SMAP1: variants seen among roughly 807,000 people sequenced by gnomAD.
SMAP1 encodes the protein stromal membrane-associated protein 1.
SMAP1 carries 24 observed loss-of-function variants against 58.5 expected under a neutral mutation model. The observed-to-expected ratio is 0.41, with a 90% CI of 0.30 to 0.58. The LOEUF (loss-of-function observed/expected upper bound fraction) is 0.58, where lower values mean the gene tolerates loss of function less well. SMAP1 is among the 20% of genes least tolerant of loss of function. The probability of loss-of-function intolerance (pLI) is 0.29; values close to 1 mark genes in which losing one functional copy is unlikely to be tolerated. For synonymous variants in SMAP1, 216 were observed against 196.6 expected (o/e 1.10, Z -0.82); for missense variants, 563 against 566.3 (o/e 0.99, Z 0.06).
chr6:70,820,567 G>A (rs1191847524), intron 6 of SMAP1, among the ~76,000 whole-genome samples: 1 of 152,146 alleles, frequency 6.6e-6, no homozygotes, highest in Non-Finnish European at 1.5e-5. Flanking sequence ...TTAGCTGGGT[G>A]TGGTAGCAGG....
intron 6 of SMAP1, among the ~76,000 whole-genome samples, chr6:70,831,927 T>C (rs761771688): frequency 9.9e-5 from 15 of 152,182 alleles, no homozygotes; most frequent in Non-Finnish European, 2.2e-4. Flanking sequence ...TGCCAGCATC[T>C]GTTATTTTTT....
At chr6:70,753,712 C>T (rs527906163) in intron 2 of SMAP1, among the ~76,000 whole-genome samples, 2 of 152,128 alleles carry the variant, frequency 1.3e-5, no homozygotes, top group Non-Finnish European at 2.9e-5. Context: ...TTATTTTACA[C>T]AATTTTGAAG....
At chr6:70,846,346 A>G (rs534715959) in intron 7 of SMAP1, among the ~76,000 whole-genome samples, 37 of 152,238 alleles carry the variant, frequency 2.4e-4, no homozygotes, top group African/African-American at 8.7e-4. Context: ...CACGCATTGA[A>G]TTAAGGAGGC....
intron 1 of SMAP1, among the ~76,000 whole-genome samples, chr6:70,729,820 TGAATGCTTGAG>T (rs1765354899): frequency 6.6e-6 from 1 of 152,188 alleles, no homozygotes; most frequent in Non-Finnish European, 1.5e-5. Context: ...GGAAGTGTGT[TGAATGCTTGAG>T]TTAAAGATTG....
intron 4 of SMAP1, among the ~76,000 whole-genome samples, chr6:70,786,363 A>T (rs1329559028): frequency 1.4e-5 from 2 of 143,910 alleles, no homozygotes; most frequent in African/African-American, 2.6e-5. Flanking sequence ...ATGGGCAAAA[A>T]CTGGAAGCAT....
At chr6:70,751,521 TTTAAC>T (rs1379945956) in intron 2 of SMAP1, among the ~76,000 whole-genome samples, 5 of 152,046 alleles carry the variant, frequency 3.3e-5, no homozygotes, top group Non-Finnish European at 5.9e-5. Context: ...TAATAGAAAC[TTTAAC>T]TTAAGTAGTT....
intron 2 of SMAP1, among the ~76,000 whole-genome samples, chr6:70,737,642 T>G (rs1244942546): frequency 1.3e-5 from 2 of 152,208 alleles, no homozygotes; most frequent in Non-Finnish European, 2.9e-5. Context: ...ACATTTATCA[T>G]ATGTGTCTTT....
At chr6:70,832,045 T>C (rs1342137800) in intron 6 of SMAP1, among the ~76,000 whole-genome samples, 1 of 152,214 alleles carries the variant, frequency 6.6e-6, no homozygotes, top group African/African-American at 2.4e-5. Flanking sequence ...TTTTATACAC[T>C]TGTTGGCTAC....
At chr6:70,680,584 G>A (rs951883345) in intron 1 of SMAP1, among the ~76,000 whole-genome samples, 6 of 152,016 alleles carry the variant, frequency 3.9e-5, no homozygotes, top group Admixed American at 6.5e-5. Flanking sequence ...TAGTGCGTCC[G>A]TACAGTGGAA....
intron 4 of SMAP1, among the ~76,000 whole-genome samples, chr6:70,787,826 A>G (rs1479978470): frequency 6.6e-6 from 1 of 151,478 alleles, no homozygotes; most frequent in Non-Finnish European, 1.5e-5. Flanking sequence ...ATGTGGAGAA[A>G]TAGGAACACT....
At chr6:70,740,528 T>C (rs1765772330) in intron 2 of SMAP1, among the ~76,000 whole-genome samples, 1 of 152,172 alleles carries the variant, frequency 6.6e-6, no homozygotes, top group Admixed American at 6.5e-5. Flanking sequence ...TTCTGTTCCC[T>C]TTTTGCACTT....
At chr6:70,702,102 C>T (rs953586475) in intron 1 of SMAP1, among the ~76,000 whole-genome samples, 5 of 152,112 alleles carry the variant, frequency 3.3e-5, no homozygotes, top group African/African-American at 1.2e-4. Context: ...GTTCCTTTGT[C>T]CGTAATGCCT....
chr6:70,724,738 GA>G (rs1257468638), intron 1 of SMAP1, among the ~76,000 whole-genome samples: 52 of 152,080 alleles, frequency 3.4e-4, no homozygotes, highest in African/African-American at 1.2e-3. Flanking sequence ...TTCTTTACAG[GA>G]AAACATGAAC....
chr6:70,692,616 G>A (rs566536878), intron 1 of SMAP1, among the ~76,000 whole-genome samples: 1 of 152,208 alleles, frequency 6.6e-6, no homozygotes, highest in Non-Finnish European at 1.5e-5. Flanking sequence ...TACGAGTCAA[G>A]TTTTATTCTT....
chr6:70,717,551 G>A (rs1267720976), intron 1 of SMAP1, among the ~76,000 whole-genome samples: 1 of 152,182 alleles, frequency 6.6e-6, no homozygotes, highest in Non-Finnish European at 1.5e-5. Flanking sequence ...GTTTGGATGT[G>A]GATGTTTTCT....
At chr6:70,842,980 C>T (rs1770858183) in intron 7 of SMAP1, among the ~76,000 whole-genome samples, 1 of 152,126 alleles carries the variant, frequency 6.6e-6, no homozygotes, top group Non-Finnish European at 1.5e-5. Flanking sequence ...TATATTACCT[C>T]ACTAGTTGCA....
At chr6:70,679,138 C>T (rs1299920642) in intron 1 of SMAP1, among the ~76,000 whole-genome samples, 2 of 151,672 alleles carry the variant, frequency 1.3e-5, no homozygotes, top group Non-Finnish European at 2.9e-5. Flanking sequence ...ATTCTCCTGT[C>T]TCAGCCTCTG....
At chr6:70,780,503 C>T (rs542775153) in intron 4 of SMAP1, among the ~76,000 whole-genome samples, 4 of 152,082 alleles carry the variant, frequency 2.6e-5, no homozygotes, top group Non-Finnish European at 5.9e-5. Flanking sequence ...GTTGCTTGAG[C>T]CCAGGAGGTT....
At position 70,700,732 on chromosome 6, in the gene SMAP1, A is replaced by G. The variant is rs78604525; in HGVS notation, c.119-31646A>G. Among the ~76,000 whole-genome samples the G allele has an allele frequency of 5.0e-3, 756 of 152,314 alleles. 3 individuals carry two copies. The highest frequency in any genetic ancestry group is 8.3e-3 in the Non-Finnish European group (565 of 68,012). ...ATGGTGGGTCATGCTTGAAGCCTGC[A>G]TGGCACTGGGTCTTACCCAAGGCCT... On this transcript the variant is annotated intron_variant, in intron 1 of 10. Coordinates refer to ENST00000370455, the MANE Select transcript of SMAP1 (RefSeq NM_001044305.3).
Sources: gnomAD v4.1 joint callset for allele counts (sites outside exome capture counted in the v4.1 genomes callset) on GRCh38, gnomAD v4.1.1 for gene constraint, MANE v1.5 for transcripts, NCBI Gene and HGNC (gene_info 2026-07-23, HGNC 2026-07-21) for gene names.